NAF1: variants seen among roughly 807,000 people sequenced by gnomAD.
NAF1 encodes H/ACA ribonucleoprotein complex non-core subunit NAF1.
A neutral mutation model predicts 40.6 loss-of-function variants in NAF1; 11 were observed. The observed-to-expected ratio is 0.27, with a 90% CI of 0.17 to 0.45. The LOEUF is 0.45. Ranked by LOEUF, NAF1 falls within the 20% of genes least tolerant of loss-of-function variation. NAF1 has a pLI of 1.00. For missense variants in NAF1, 607 were observed against 611.1 expected (o/e 0.99, Z 0.07); for synonymous variants, 260 against 228.5 (o/e 1.14, Z -1.24).
intron 4 of NAF1, 53 bp from the exon 5 acceptor site, chr4:163,140,436 AG>A: frequency 1.4e-6 from 2 of 1,479,564 alleles, no homozygotes; most frequent in Non-Finnish European, 1.8e-6. Flanking sequence ...CTATTTGAAA[AG>A]TCAGCAGTGT....
intron 5 of NAF1, among the ~76,000 whole-genome samples, chr4:163,139,294 G>A (rs1275735310): frequency 6.6e-6 from 1 of 152,006 alleles, no homozygotes; most frequent in Non-Finnish European, 1.5e-5. Context: ...AATAAAAGAA[G>A]AGCTAGAACT....
chr4:163,124,363 G>A (rs1030287105), downstream of NAF1, among the ~76,000 whole-genome samples: 1 of 152,126 alleles, frequency 6.6e-6, no homozygotes, highest in East Asian at 1.9e-4. Flanking sequence ...AGACTGAAGA[G>A]CAAAATGGAT....
chr4:163,117,680 T>C (rs1043828239), intron 2 of NAF1, among the ~76,000 whole-genome samples: 12 of 134,922 alleles, frequency 8.9e-5, no homozygotes, highest in South Asian at 2.5e-4. Context: ...CTGGAAGCAA[T>C]ACACACACAC....
chr4:163,111,012 T>C (rs999524344), intron 2 of NAF1, among the ~76,000 whole-genome samples: 3 of 152,152 alleles, frequency 2.0e-5, no homozygotes, highest in South Asian at 4.1e-4. Context: ...ACCCCAAAAA[T>C]TGCTTTTTGA....
At chr4:163,113,653 T>G (rs917546832) in intron 2 of NAF1, among the ~76,000 whole-genome samples, 2 of 152,204 alleles carry the variant, frequency 1.3e-5, no homozygotes, top group Non-Finnish European at 2.9e-5. Flanking sequence ...CCTGGATCCC[T>G]ACCCAGGTTG....
downstream of NAF1, among the ~76,000 whole-genome samples, chr4:163,123,318 C>G (rs1039831116): frequency 6.6e-6 from 1 of 152,232 alleles, no homozygotes; most frequent in Non-Finnish European, 1.5e-5. Context: ...CGAAACACCT[C>G]CACGAGGATC....
At chr4:163,127,742 C>T (rs1049388522), downstream of NAF1, among the ~76,000 whole-genome samples, 18 of 152,204 alleles carry the variant, frequency 1.2e-4, no homozygotes, top group Admixed American at 1.2e-3. Context: ...AGAGTCCCCT[C>T]AGCTCATGGG....
intron 2 of NAF1, among the ~76,000 whole-genome samples, chr4:163,148,642 T>C (rs2110977444): frequency 6.6e-6 from 1 of 152,272 alleles, no homozygotes; most frequent in South Asian, 2.1e-4. Context: ...TCAACAGGTC[T>C]CAAGTATACA....
At chr4:163,150,639 G>A (rs1020870380) in intron 2 of NAF1, among the ~76,000 whole-genome samples, 2 of 151,776 alleles carry the variant, frequency 1.3e-5, no homozygotes, top group Non-Finnish European at 2.9e-5. Context: ...TAAACACTTA[G>A]GATATTCCAC....
At chr4:163,111,145 A>T (rs1298376287) in intron 2 of NAF1, among the ~76,000 whole-genome samples, 1 of 152,174 alleles carries the variant, frequency 6.6e-6, no homozygotes, top group Non-Finnish European at 1.5e-5. Context: ...ACAAGTGTTG[A>T]ATATATACTT....
chr4:163,162,186 CG>C (rs1198154399), intron 2 of NAF1, among the ~76,000 whole-genome samples: 1 of 152,152 alleles, frequency 6.6e-6, no homozygotes, highest in Non-Finnish European at 1.5e-5. Context: ...CCCTGAGAAA[CG>C]GACAAAGAGG....
At chr4:163,138,108 T>G (rs1001556302) in intron 5 of NAF1, among the ~76,000 whole-genome samples, 1 of 152,138 alleles carries the variant, frequency 6.6e-6, no homozygotes, top group African/African-American at 2.4e-5. Context: ...TCCTTATTGT[T>G]TTAAACTAGA....
rs1251454231 is a variant in NAF1, at chr4:163,115,202, TTTTTATTTA to T, written c.115-4921_115-4913del. ...CTATTGGCGATATAGGACAATAATT[TTTTTATTTA>T]TTTTTTTTTTTTTTTGAGACAGAGT... On this transcript the variant is annotated intron_variant, in intron 2 of 2. Transcript: ENST00000509434. Among the ~76,000 whole-genome samples, 31 of 96,478 alleles carry T rather than the reference TTTTTATTTA, an allele frequency of 3.2e-4. 4 individuals are homozygous for T. Among genetic ancestry groups the T allele is most frequent in the African/African-American group, 8.7e-4 (19 of 21,722 alleles). The allele number at this position is 96,478 out of a possible 152,430, so 63.3% of individuals were successfully genotyped here.
chr4:163,108,427 C>T (rs530906626), downstream of NAF1, among the ~76,000 whole-genome samples: 4 of 152,132 alleles, frequency 2.6e-5, no homozygotes, highest in South Asian at 2.1e-4. Flanking sequence ...ATAGTTGACA[C>T]CTGGAGAACA....
intron 4 of NAF1, among the ~76,000 whole-genome samples, chr4:163,140,931 A>G (rs1406836328): frequency 3.3e-5 from 5 of 152,262 alleles, no homozygotes; most frequent in African/African-American, 1.2e-4. Flanking sequence ...AAACACAAAG[A>G]TGGTGCAGCC....
At chr4:163,119,461 T>TA (rs1730452146) in intron 2 of NAF1, 1 of 152,188 alleles carries the variant, frequency 6.6e-6, no homozygotes, top group East Asian at 1.9e-4. Context: ...ATGTACATCT[T>TA]ACAGACTTTC....
At chr4:163,148,300 GTGTT>G in intron 3 of NAF1, 37 bp downstream of exon 3, 1 of 1,242,636 alleles carries the variant, frequency 8.0e-7, no homozygotes, top group Non-Finnish European at 1.1e-6. Context: ...TTATTAGTGT[GTGTT>G]TGGAAACAAT....
chr4:163,148,239 T>C, intron 3 of NAF1, 102 bp downstream of exon 3: 1 of 600,938 alleles, frequency 1.7e-6, no homozygotes, highest in Non-Finnish European at 2.8e-6. Flanking sequence ...AATAAAGTGT[T>C]AATTACGTAT....
chr4:163,131,257 T>C (rs1730863256), intron 7 of NAF1, among the ~76,000 whole-genome samples: 1 of 152,130 alleles, frequency 6.6e-6, no homozygotes, highest in South Asian at 2.1e-4. Context: ...CTGAATTTCA[T>C]TAAACTTAAC....
Sources: allele counts gnomAD v4.1 joint callset (sites outside exome capture counted in the v4.1 genomes callset), GRCh38; gene constraint gnomAD v4.1.1; transcripts MANE v1.5; gene names NCBI Gene and HGNC (gene_info 2026-07-23, HGNC 2026-07-21).